SPATS2L: variants seen among roughly 807,000 people sequenced by gnomAD.
SPATS2L encodes SPATS2-like protein.
A neutral mutation model predicts 59.6 loss-of-function variants in SPATS2L; 30 were observed. That is an observed-to-expected ratio of 0.50 (90% CI 0.38 to 0.68). The LOEUF (loss-of-function observed/expected upper bound fraction) is 0.68. Among genes scored for constraint, SPATS2L ranks in the 30% least tolerant of loss-of-function variants. The pLI is 0.00. For synonymous variants in SPATS2L, 252 were observed against 263.5 expected (o/e 0.96, Z 0.42); for missense variants, 615 against 700.0 (o/e 0.88, Z 1.37).
intron 6 of SPATS2L, among the ~76,000 whole-genome samples, chr2:200,426,735 A>G (rs1460160436): frequency 6.6e-6 from 1 of 152,218 alleles, no homozygotes; most frequent in African/African-American, 2.4e-5. Context: ...TCAAAAAATA[A>G]AAATAAAGTT....
intron 1 of SPATS2L, among the ~76,000 whole-genome samples, chr2:200,316,307 A>G (rs1319202177): frequency 6.6e-6 from 1 of 152,140 alleles, no homozygotes; most frequent in Non-Finnish European, 1.5e-5. Flanking sequence ...CTTGGTTTCA[A>G]CCTGGGCGGC....
At chr2:200,323,661 T>C (rs2079636907) in intron 1 of SPATS2L, among the ~76,000 whole-genome samples, 1 of 152,100 alleles carries the variant, frequency 6.6e-6, no homozygotes, top group African/African-American at 2.4e-5. Context: ...ATTCCTCTAA[T>C]GAGGGAAGGG....
In SPATS2L at chr2:200,398,805, A is replaced by C. The variant is rs542684742; in HGVS notation, c.39+9522A>C. Among the ~76,000 whole-genome samples, 5 of 152,260 alleles carry C rather than the reference A, an allele frequency of 3.3e-5. No individual in the cohort carries two copies. In the East Asian group the frequency reaches 9.7e-4, roughly 29 times the overall value. On this transcript the variant is annotated intron_variant, in intron 3 of 12. Transcript: ENST00000409140. Reference sequence around the variant, plus strand: ...TGCGGATCAGAGAACATGGGCACCAACCTGAGTCCTGATACAAACTGGATG... The same window carrying C: ...TGCGGATCAGAGAACATGGGCACCACCCTGAGTCCTGATACAAACTGGATG...
intron 6 of SPATS2L, among the ~76,000 whole-genome samples, chr2:200,425,043 G>A (rs1289755162): frequency 6.6e-6 from 1 of 151,638 alleles, no homozygotes; most frequent in Non-Finnish European, 1.5e-5. Context: ...CGCAGCACCT[G>A]CGCAGAGCTG....
In SPATS2L at chr2:200,481,198, A is replaced by G. The variant is rs542597291; in HGVS notation, c.*3167A>G. 6.6e-6 allele frequency: 1 copy of G among 152,258 alleles called. No individual in the cohort carries two copies. Among genetic ancestry groups the G allele is most frequent in the Non-Finnish European group, 1.5e-5 (1 of 68,048 alleles). 9.4% of individuals were successfully genotyped at this position (152,258 alleles called of 1,614,324 possible). On this transcript the variant is annotated 3_prime_UTR_variant, in exon 13 of 13. Transcript: ENST00000409140. ...CCCTCAGTGGAGGACTAGAAACACA[A>G]CATGTCCAATTTAAAGCTCAGTTCA... is the stretch of plus-strand genomic sequence containing the variant.
intron 10 of SPATS2L, 30 bp from the exon 11 acceptor site, chr2:200,469,884 G>A (rs777208667): frequency 1.3e-6 from 2 of 1,563,740 alleles, no homozygotes; most frequent in Non-Finnish European, 1.7e-6. Context: ...TGTAATCATG[G>A]GGTTCCTGCT....
At chr2:200,308,231 TTCAC>T (rs1220004087) in intron 1 of SPATS2L, among the ~76,000 whole-genome samples, 1 of 80,514 alleles carries the variant, frequency 1.2e-5, no homozygotes, top group Non-Finnish European at 2.6e-5. Context: ...CAGAAATCTC[TTCAC>T]TCTGAAAAAA....
At chr2:200,423,109 T>A (rs1177810632) in intron 6 of SPATS2L, among the ~76,000 whole-genome samples, 1 of 152,218 alleles carries the variant, frequency 6.6e-6, no homozygotes, top group Non-Finnish European at 1.5e-5. Flanking sequence ...TTCATCACAT[T>A]ACTCAGAACA....
intron 2 of SPATS2L, among the ~76,000 whole-genome samples, chr2:200,333,293 A>G (rs1462931728): frequency 4.0e-5 from 6 of 151,628 alleles, no homozygotes; most frequent in Non-Finnish European, 4.4e-5. Context: ...CTCAAAAAAA[A>G]AGAGAGAGAG....
At chr2:200,328,972 C>T (rs1177038193) in intron 1 of SPATS2L, among the ~76,000 whole-genome samples, 1 of 152,176 alleles carries the variant, frequency 6.6e-6, no homozygotes, top group Non-Finnish European at 1.5e-5. Context: ...TTTCATGAGA[C>T]AGGTGATTTG....
chr2:200,460,474 G>A (rs1246386479), intron 9 of SPATS2L, among the ~76,000 whole-genome samples: 3 of 152,124 alleles, frequency 2.0e-5, no homozygotes, highest in Admixed American at 6.5e-5. Context: ...GGCTGGGCGC[G>A]GTGGCTTACG....
intron 8 of SPATS2L, among the ~76,000 whole-genome samples, chr2:200,458,572 C>T (rs1177203841): frequency 6.6e-6 from 1 of 152,104 alleles, no homozygotes; most frequent in African/African-American, 2.4e-5. Context: ...TCAGGCTTTG[C>T]ACAACTCTTC....
chr2:200,382,026 G>A (rs2081830217), intron 2 of SPATS2L, among the ~76,000 whole-genome samples: 1 of 152,184 alleles, frequency 6.6e-6, no homozygotes, highest in Non-Finnish European at 1.5e-5. Flanking sequence ...TTCACCTGAG[G>A]TAGGAAGCTG....
At chr2:200,381,578 T>G (rs1026027676) in intron 2 of SPATS2L, among the ~76,000 whole-genome samples, 1 of 152,236 alleles carries the variant, frequency 6.6e-6, no homozygotes, top group African/African-American at 2.4e-5. Context: ...TAAATTAGTC[T>G]GTGATAGTGC....
At chr2:200,418,496 C>G (rs1026681584) in intron 5 of SPATS2L, among the ~76,000 whole-genome samples, 2 of 151,944 alleles carry the variant, frequency 1.3e-5, no homozygotes, top group Non-Finnish European at 2.9e-5. Context: ...ATCGCTTATG[C>G]CCAGGGGGTT....
intron 2 of SPATS2L, among the ~76,000 whole-genome samples, chr2:200,353,138 A>G (rs1225481739): frequency 6.6e-6 from 1 of 152,238 alleles, no homozygotes; most frequent in African/African-American, 2.4e-5. Flanking sequence ...ATTTTCAAAA[A>G]TACCTTGATT....
At chr2:200,398,032 A>T (rs1413020991) in intron 3 of SPATS2L, among the ~76,000 whole-genome samples, 1 of 152,202 alleles carries the variant, frequency 6.6e-6, no homozygotes, top group African/African-American at 2.4e-5. Flanking sequence ...CAAACTTACA[A>T]TGCAGTATTG....
chr2:200,461,711 G>A (rs1484276856), intron 9 of SPATS2L, among the ~76,000 whole-genome samples: 1 of 152,160 alleles, frequency 6.6e-6, no homozygotes, highest in East Asian at 1.9e-4. Flanking sequence ...TACCTTTGAT[G>A]TGATGTCTTT....
chr2:200,446,184 G>C (rs955515834), intron 8 of SPATS2L, among the ~76,000 whole-genome samples: 4 of 152,040 alleles, frequency 2.6e-5, no homozygotes, highest in Non-Finnish European at 5.9e-5. Flanking sequence ...ACAATTTTTT[G>C]ATTAGCTGGG....
Sources: allele counts gnomAD v4.1 joint callset (sites outside exome capture counted in the v4.1 genomes callset), GRCh38; gene constraint gnomAD v4.1.1; transcripts MANE v1.5; gene names NCBI Gene and HGNC (gene_info 2026-07-23, HGNC 2026-07-21).